KIAA0825: variants seen among roughly 807,000 people sequenced by gnomAD.
KIAA0825 encodes the protein KIAA0825.
In KIAA0825, 119 loss-of-function variants were observed where a neutral mutation model predicts 147.6. The ratio of observed to expected loss-of-function variants is 0.81; its 90% CI spans 0.69 to 0.94. The LOEUF is 0.94. KIAA0825 is among the 40% of genes least tolerant of loss of function. The pLI is 0.00. For synonymous variants in KIAA0825, 470 were observed against 518.1 expected, an observed-to-expected ratio of 0.91 and a Z score of 1.26; for missense variants, 1,381 against 1,472.7, an observed-to-expected ratio of 0.94 and a Z score of 1.02.
chr5:94,206,873 A>C (rs971646814), intron 20 of KIAA0825, among the ~76,000 whole-genome samples: 2 of 152,164 alleles, frequency 1.3e-5, no homozygotes, highest in Admixed American at 6.5e-5. Flanking sequence ...AAACGGTTTT[A>C]GGGCTTATAT....
intron 2 of KIAA0825, among the ~76,000 whole-genome samples, chr5:94,560,869 T>A (rs1341492940): frequency 1.3e-5 from 2 of 152,208 alleles, no homozygotes; most frequent in Non-Finnish European, 2.9e-5. Context: ...CACACGCACA[T>A]ATACACACAT....
At chr5:94,608,213 C>T (rs1192682400) in intron 1 of KIAA0825, among the ~76,000 whole-genome samples, 1 of 150,506 alleles carries the variant, frequency 6.6e-6, no homozygotes, top group African/African-American at 2.4e-5. Context: ...GCCAGGTTTG[C>T]TTATGTCTTC....
intron 20 of KIAA0825, among the ~76,000 whole-genome samples, chr5:94,158,749 G>A (rs1421322501): frequency 6.6e-6 from 1 of 152,012 alleles, no homozygotes; most frequent in Non-Finnish European, 1.5e-5. Context: ...TGTGGCCTTG[G>A]GCAACCCAGA....
chr5:94,236,156 C>T (rs1775030513), intron 20 of KIAA0825, among the ~76,000 whole-genome samples: 1 of 152,106 alleles, frequency 6.6e-6, no homozygotes, highest in Non-Finnish European at 1.5e-5. Context: ...CTCTGATGGA[C>T]CTGGGAAAAG....
At chr5:94,529,405 CTCATATATGTATATATCATATGTATATA>C (rs747257325) in intron 3 of KIAA0825, among the ~76,000 whole-genome samples, 18 of 97,464 alleles carry the variant, frequency 1.8e-4, no homozygotes, top group African/African-American at 5.3e-4. Context: ...ATATGTATAT[CTCATATATGTATATATCATATGTATATA>C]TCATATATGT....
intron 20 of KIAA0825, among the ~76,000 whole-genome samples, chr5:94,373,081 CTACTAGCA>C (rs1188862224): frequency 1.3e-5 from 2 of 152,238 alleles, no homozygotes; most frequent in Non-Finnish European, 2.9e-5. Flanking sequence ...GTCCGTATCA[CTACTAGCA>C]TTTTGGTTAA....
At chr5:94,278,558 C>G (rs1280883902) in intron 20 of KIAA0825, among the ~76,000 whole-genome samples, 1 of 152,040 alleles carries the variant, frequency 6.6e-6, no homozygotes, top group East Asian at 1.9e-4. Flanking sequence ...TGGATTGACA[C>G]TAAGTTGTAT....
rs529696277 is a variant in KIAA0825, at chr5:94,151,366, G to A, written c.*2641C>T. Among the ~76,000 whole-genome samples the A allele has an allele frequency of 2.1e-4, 30 of 139,598 alleles. No individual in the cohort carries two copies. Among genetic ancestry groups the A allele is most frequent in the Admixed American group, 8.3e-4 (11 of 13,310 alleles). 91.6% of individuals were successfully genotyped at this position (139,598 alleles called of 152,430 possible). On this transcript the variant is annotated 3_prime_UTR_variant, in exon 21 of 21. Coordinates refer to ENST00000682413, the MANE Select transcript of KIAA0825 (RefSeq NM_001145678.3). ...CGGGAAGCGGAGCTTGCAGTGAGCC[G>A]AGATTGCGCCACTGCAGTCCGCAGT...
intron 20 of KIAA0825, among the ~76,000 whole-genome samples, chr5:94,376,545 CA>C (rs1174620270): frequency 6.6e-6 from 1 of 152,178 alleles, no homozygotes; most frequent in Non-Finnish European, 1.5e-5. Flanking sequence ...CTTAGCCCTA[CA>C]AATTCTGAGG....
intron 5 of KIAA0825, chr5:94,519,670 G>T: frequency 3.0e-6 from 2 of 664,646 alleles, no homozygotes; most frequent in Non-Finnish European, 1.9e-6. Context: ...GTATTTCATA[G>T]TTGCTCATTA....
chr5:94,159,568 C>T lies in KIAA0825; in HGVS notation c.3711-5444G>A, dbSNP rs908088599. On this transcript the variant is annotated intron_variant, in intron 20 of 20. Coordinates refer to ENST00000682413, the MANE Select transcript of KIAA0825 (RefSeq NM_001145678.3). Reference sequence around the variant, plus strand: ...TCAATCAATCAATAATATAATATTGCAATAAATACATTCCAATAAATAAAT... The same window carrying T: ...TCAATCAATCAATAATATAATATTGTAATAAATACATTCCAATAAATAAAT... Among the ~76,000 whole-genome samples the T allele has an allele frequency of 2.0e-5, 3 of 152,102 alleles. No individual in the cohort carries two copies. The East Asian group carries it at 5.8e-4, about 29-fold the overall frequency.
intron 2 of KIAA0825, among the ~76,000 whole-genome samples, chr5:94,581,137 G>A (rs575729667): frequency 5.2e-4 from 79 of 152,036 alleles, no homozygotes; most frequent in African/African-American, 1.8e-3. Context: ...AAAATCAATA[G>A]TGAAACATGT....
chr5:94,533,048 G>T (rs1267616608), intron 3 of KIAA0825, among the ~76,000 whole-genome samples: 3 of 148,590 alleles, frequency 2.0e-5, no homozygotes, highest in Non-Finnish European at 3.0e-5. Context: ...ACACTATCTC[G>T]GCTCACTGCA....
chr5:94,371,366 G>A (rs1282694647), intron 20 of KIAA0825, among the ~76,000 whole-genome samples: 1 of 152,086 alleles, frequency 6.6e-6, no homozygotes, highest in Admixed American at 6.5e-5. Context: ...TATTTTATAA[G>A]TCCATTCTTA....
At chr5:94,489,667 C>T (rs941041983) in intron 5 of KIAA0825, among the ~76,000 whole-genome samples, 2 of 151,612 alleles carry the variant, frequency 1.3e-5, no homozygotes, top group South Asian at 4.2e-4. Context: ...GGGTGGATCA[C>T]CTGAGGTCAG....
intron 2 of KIAA0825, among the ~76,000 whole-genome samples, chr5:94,571,991 G>A (rs1780055999): frequency 6.6e-6 from 1 of 152,060 alleles, no homozygotes; most frequent in Admixed American, 6.6e-5. Context: ...ATGAGACTGA[G>A]GTGGGAGCAT....
chr5:94,348,026 A>T (rs952995275), intron 20 of KIAA0825, among the ~76,000 whole-genome samples: 2 of 152,218 alleles, frequency 1.3e-5, no homozygotes, highest in African/African-American at 4.8e-5. Context: ...ATAGAATTAA[A>T]GAAGTAGAAG....
intron 3 of KIAA0825, among the ~76,000 whole-genome samples, chr5:94,533,621 A>G (rs1771373549): frequency 6.6e-6 from 1 of 152,204 alleles, no homozygotes; most frequent in Non-Finnish European, 1.5e-5. Context: ...GTACCTCAGT[A>G]TCTTGTTAAA....
intron 2 of KIAA0825, among the ~76,000 whole-genome samples, chr5:94,543,558 A>G (rs755772871): frequency 2.0e-5 from 3 of 152,186 alleles, no homozygotes; most frequent in Non-Finnish European, 2.9e-5. Context: ...ATTCCTACTG[A>G]TGCTTTCTGA....
Sources: gnomAD v4.1 joint callset for allele counts (sites outside exome capture counted in the v4.1 genomes callset) on GRCh38, gnomAD v4.1.1 for gene constraint, MANE v1.5 for transcripts, NCBI Gene and HGNC (gene_info 2026-07-23, HGNC 2026-07-21) for gene names.